The following CGGBP1 variants were observed in gnomAD, a reference collection of about 807,000 sequenced individuals.
The protein encoded by CGGBP1 is CGG triplet repeat-binding protein 1.
Under a neutral mutation model 11.4 loss-of-function variants are expected in CGGBP1, and 4 were observed. The ratio of observed to expected loss-of-function variants is 0.35; its 90% CI spans 0.17 to 0.80. CGGBP1 has a LOEUF of 0.80. Among genes scored for constraint, CGGBP1 ranks in the 30% least tolerant of loss-of-function variants. CGGBP1 has a pLI of 0.52. For missense variants in CGGBP1, 135 were observed against 202.1 expected (o/e 0.67, Z 2.01); for synonymous variants, 76 against 74.1 (o/e 1.03, Z -0.13).
At chr3:88,129,554 T>A (rs1706325614) in intron 2 of CGGBP1, 1 of 689,270 alleles carries the variant, frequency 1.5e-6, no homozygotes, top group African/African-American at 1.8e-5. Flanking sequence ...AATATTTCTG[T>A]ACAAGTCATC....
rs1405782544 is a variant in CGGBP1 at position 88,053,198 on chromosome 3, T to C, written c.*2275A>G. On this transcript the variant is annotated 3_prime_UTR_variant, in exon 4 of 4. Coordinates refer to ENST00000482016, the MANE Select transcript of CGGBP1 (RefSeq NM_001008390.2). ...ATATGCCAATCATGGTTTCAGGGAT[T>C]TGTATCAGTTCGAGCAGGCTAAAAC... 1 of 152,198 alleles carries C rather than the reference T, an allele frequency of 6.6e-6. No homozygotes were observed. Among genetic ancestry groups the C allele is most frequent in the East Asian group, 1.9e-4 (1 of 5,194 alleles). The allele number at this position is 152,198 out of a possible 1,614,324, so 9.4% of individuals were successfully genotyped here. A position where few individuals can be genotyped will look rare whatever the true frequency, so the allele number is the denominator to read the frequency against.
chr3:88,071,262 C>G (rs1409387979), intron 2 of CGGBP1, among the ~76,000 whole-genome samples: 3 of 152,162 alleles, frequency 2.0e-5, no homozygotes, highest in Non-Finnish European at 2.9e-5. Context: ...GTAATCCCAG[C>G]ACTTTGGGAG....
chr3:88,140,223 C>T, intron 2 of CGGBP1: 1 of 1,613,832 alleles, frequency 6.2e-7, no homozygotes, highest in South Asian at 1.1e-5. Context: ...TCCAGAATGC[C>T]ATGAGCTTTT....
chr3:88,100,834 T>C (rs1027341433), intron 2 of CGGBP1, among the ~76,000 whole-genome samples: 3 of 152,090 alleles, frequency 2.0e-5, no homozygotes, highest in Admixed American at 6.6e-5. Context: ...CGGGGAGGGA[T>C]AGCATCAGGA....
At chr3:88,095,891 C>T (rs1210365302) in intron 2 of CGGBP1, 2 of 431,834 alleles carry the variant, frequency 4.6e-6, no homozygotes, top group Non-Finnish European at 8.8e-6. Flanking sequence ...TAACCACATG[C>T]CTGTCTAGCA....
chr3:88,119,383 T>G (rs1705619298), intron 2 of CGGBP1, among the ~76,000 whole-genome samples: 1 of 11,304 alleles, frequency 8.8e-5, no homozygotes, highest in Non-Finnish European at 2.5e-4. Context: ...TGGGGACTGT[T>G]GTGGGGTGGG....
chr3:88,081,864 C>T (rs1430678369), intron 2 of CGGBP1, among the ~76,000 whole-genome samples: 1 of 152,146 alleles, frequency 6.6e-6, no homozygotes, highest in Non-Finnish European at 1.5e-5. Context: ...AGAGTCATTG[C>T]TTCTAGGATC....
At chr3:88,077,810 G>A (rs184653318) in intron 2 of CGGBP1, among the ~76,000 whole-genome samples, 2 of 152,104 alleles carry the variant, frequency 1.3e-5, no homozygotes, top group Non-Finnish European at 2.9e-5. Context: ...GTTATTTACT[G>A]TGTGTTTAAT....
intron 2 of CGGBP1, chr3:88,135,240 A>AGT (rs1237640020): frequency 3.7e-6 from 5 of 1,361,626 alleles, no homozygotes; most frequent in Non-Finnish European, 3.8e-6. Context: ...TTTAAAATTG[A>AGT]GTGACAGTTC....
At chr3:88,141,644 G>T in intron 1 of CGGBP1, 1 of 1,508,318 alleles carries the variant, frequency 6.6e-7, no homozygotes, top group Non-Finnish European at 9.0e-7. Flanking sequence ...CTGTTTTACA[G>T]GTGCCTGATG....
At chr3:88,101,956 G>T (rs1704451796) in intron 2 of CGGBP1, among the ~76,000 whole-genome samples, 1 of 151,648 alleles carries the variant, frequency 6.6e-6, no homozygotes, top group Non-Finnish European at 1.5e-5. Context: ...TATTTTCTTT[G>T]GCAAAATCTA....
chr3:88,120,506 T>C (rs533688717), intron 2 of CGGBP1, among the ~76,000 whole-genome samples: 63 of 152,184 alleles, frequency 4.1e-4, no homozygotes, highest in Non-Finnish European at 7.5e-4. Flanking sequence ...ATTGTAGAAA[T>C]GGCAAGGAAG....
chr3:88,097,645 G>A (rs1484206144), intron 2 of CGGBP1, among the ~76,000 whole-genome samples: 3 of 152,088 alleles, frequency 2.0e-5, no homozygotes, highest in Admixed American at 6.5e-5. Context: ...TCAGACCACA[G>A]TGCAATCAAA....
rs1474419124 is a variant in CGGBP1, at chr3:88,058,927, C to A, written c.-443G>T. On this transcript the variant is annotated 5_prime_UTR_variant, in exon 1 of 4. Coordinates refer to ENST00000482016, the MANE Select transcript of CGGBP1 (RefSeq NM_001008390.2). ...GGAGGAGGAGGATCCGTCGCTGCCGCCGTCGCCGCCGTTGCCCGATCGAGC... is the reference window on the plus strand; with the variant it reads ...GGAGGAGGAGGATCCGTCGCTGCCGACGTCGCCGCCGTTGCCCGATCGAGC... 1.0e-5 allele frequency: 2 copies of A among 192,482 alleles called. No individual in the cohort carries two copies. The highest frequency in any genetic ancestry group is 2.3e-5 in the African/African-American group (1 of 42,576). 11.9% of individuals were successfully genotyped at this position (192,482 alleles called of 1,614,324 possible). A position where few individuals can be genotyped will look rare whatever the true frequency, so the allele number is the denominator to read the frequency against.
chr3:88,125,021 C>T (rs1473485672), intron 2 of CGGBP1, among the ~76,000 whole-genome samples: 1 of 151,978 alleles, frequency 6.6e-6, no homozygotes. Flanking sequence ...TGAGACTATC[C>T]TGGCTAACAC....
At chr3:88,129,320 G>GAAA in intron 2 of CGGBP1, among the ~76,000 whole-genome samples, 1 of 50,592 alleles carries the variant, frequency 2.0e-5, no homozygotes, top group Middle Eastern at 0.022. Context: ...CTTGCCAGGA[G>GAAA]TAAAAAAAAA....
chr3:88,129,164 C>T (rs1219348981), intron 2 of CGGBP1: 8 of 582,968 alleles, frequency 1.4e-5, no homozygotes, highest in Admixed American at 1.4e-4. Flanking sequence ...TCTTTTGGCA[C>T]CATAACTTAA....
chr3:88,106,889 G>A (rs1011122223), intron 2 of CGGBP1, among the ~76,000 whole-genome samples: 75 of 152,204 alleles, frequency 4.9e-4, no homozygotes, highest in African/African-American at 1.7e-3. Context: ...CCTGATTTGA[G>A]ATGCTGTTTT....
chr3:88,065,588 G>A (rs1485452276), intron 2 of CGGBP1, among the ~76,000 whole-genome samples: 4 of 151,336 alleles, frequency 2.6e-5, no homozygotes, highest in African/African-American at 9.7e-5. Flanking sequence ...ACTTTGTGGT[G>A]GTATGCTTAT....
Sources: gnomAD v4.1 joint callset for allele counts (sites outside exome capture counted in the v4.1 genomes callset) on GRCh38, gnomAD v4.1.1 for gene constraint, MANE v1.5 for transcripts, NCBI Gene and HGNC (gene_info 2026-07-23, HGNC 2026-07-21) for gene names.